The following NEK4 variants were observed in gnomAD, a reference collection of about 807,000 sequenced individuals.
The protein encoded by NEK4 is NIMA related kinase 4.
NEK4 carries 86 observed loss-of-function variants against 98.4 expected under a neutral mutation model. The ratio of observed to expected loss-of-function variants is 0.87; its 90% CI spans 0.73 to 1.05. The LOEUF is 1.05. NEK4 is among the 50% of genes least tolerant of loss of function. The pLI, the probability that NEK4 is intolerant of heterozygous loss-of-function variation, is 0.00. For synonymous variants in NEK4, 328 were observed against 342.2 expected (o/e 0.96, Z 0.46); for missense variants, 898 against 950.3 (o/e 0.94, Z 0.72).
intron 6 of NEK4, among the ~76,000 whole-genome samples, chr3:52,757,878 A>C (rs1698183389): frequency 6.6e-6 from 1 of 152,166 alleles, no homozygotes; most frequent in Admixed American, 6.5e-5. Flanking sequence ...CCATGGAGAC[A>C]GAAAGTAGAA....
At chr3:52,764,730 G>C (rs1399004496) in intron 4 of NEK4, among the ~76,000 whole-genome samples, 3 of 151,826 alleles carry the variant, frequency 2.0e-5, no homozygotes, top group African/African-American at 7.3e-5. Context: ...CCTGATTTCA[G>C]TTTAAGAATC....
chr3:52,728,640 G>A (rs1377910236), intron 15 of NEK4, among the ~76,000 whole-genome samples: 2 of 152,256 alleles, frequency 1.3e-5, no homozygotes, highest in Non-Finnish European at 2.9e-5. Context: ...GATTTTCAGG[G>A]AACAAGGGAA....
chr3:52,738,247 C>G (rs982125942), intron 14 of NEK4, among the ~76,000 whole-genome samples: 1 of 151,950 alleles, frequency 6.6e-6, no homozygotes, highest in East Asian at 1.9e-4. Flanking sequence ...ACCAGAACTA[C>G]AGGAATGCAC....
intron 15 of NEK4, among the ~76,000 whole-genome samples, chr3:52,737,190 C>T (rs1169778443): frequency 1.3e-5 from 2 of 151,976 alleles, no homozygotes; most frequent in Non-Finnish European, 2.9e-5. Flanking sequence ...GTGATCCACC[C>T]ACCTCAGCCT....
At chr3:52,760,265 G>A (rs1398785452) in intron 6 of NEK4, among the ~76,000 whole-genome samples, 3 of 151,944 alleles carry the variant, frequency 2.0e-5, no homozygotes, top group Non-Finnish European at 4.4e-5. Flanking sequence ...CACCCAGGCT[G>A]GAGTGCAGTA....
chr3:52,727,674 G>T (rs116502680), intron 15 of NEK4, among the ~76,000 whole-genome samples: 2 of 152,010 alleles, frequency 1.3e-5, no homozygotes, highest in Admixed American at 6.5e-5. Context: ...GGTTTCACAG[G>T]TTGGACGGGC....
At chr3:52,714,250 C>T (rs973743020) in intron 15 of NEK4, among the ~76,000 whole-genome samples, 5 of 152,150 alleles carry the variant, frequency 3.3e-5, no homozygotes, top group Admixed American at 6.5e-5. Context: ...TCTCTGGAAA[C>T]GGTGCTAAGA....
chr3:52,753,396 T>C (rs1030358744), intron 6 of NEK4: 6 of 353,020 alleles, frequency 1.7e-5, no homozygotes, highest in East Asian at 7.6e-5. Context: ...ACAAAGGTGA[T>C]AGGCAGCTGG....
intron 4 of NEK4, among the ~76,000 whole-genome samples, chr3:52,764,403 G>A (rs183570888): frequency 6.9e-4 from 104 of 151,478 alleles, no homozygotes; most frequent in Admixed American, 1.5e-3. Flanking sequence ...AGGCCGAGGC[G>A]GGTGGATCAT....
At chr3:52,730,866 G>A (rs1260622481) in intron 15 of NEK4, among the ~76,000 whole-genome samples, 1 of 152,148 alleles carries the variant, frequency 6.6e-6, no homozygotes, top group Non-Finnish European at 1.5e-5. Context: ...ATGGGTGGTT[G>A]CCAGGGGCTG....
At chr3:52,725,283 G>A (rs1194170407) in intron 15 of NEK4, among the ~76,000 whole-genome samples, 8 of 152,118 alleles carry the variant, frequency 5.3e-5, no homozygotes, top group East Asian at 1.9e-4. Context: ...AGGCTGAGGC[G>A]GGTGGATCAC....
chr3:52,711,838 T>C lies in NEK4; in HGVS notation c.2465A>G (p.Tyr822Cys), dbSNP rs750912632. ...VRLREHMGEK[Y>C]TTYSVKARQL... ...GCGAGCTTTCACACTGTAAGTTGTATACTTTTCACCCATGTGCTCCCGCAA... is the reference window on the plus strand; with the variant it reads ...GCGAGCTTTCACACTGTAAGTTGTACACTTTTCACCCATGTGCTCCCGCAA... The change falls in exon 16 of 16, where the codon TAT (tyrosine) becomes TGT (cysteine). Residue 822 changes from tyrosine to cysteine, a missense_variant. Transcript: ENST00000233027. 3 of 1,610,218 alleles carry C rather than the reference T, an allele frequency of 1.9e-6. No individual in the cohort carries two copies. The highest frequency in any genetic ancestry group is 2.5e-6 in the Non-Finnish European group (3 of 1,177,656).
chr3:52,753,863 A>C, intron 6 of NEK4: 1 of 372,850 alleles, frequency 2.7e-6, no homozygotes, highest in South Asian at 2.1e-5. Flanking sequence ...CATAGGGCAC[A>C]GACTTTATCA....
chr3:52,714,627 C>A (rs1312141645), intron 15 of NEK4, among the ~76,000 whole-genome samples: 2 of 152,228 alleles, frequency 1.3e-5, no homozygotes, highest in African/African-American at 4.8e-5. Context: ...GCCCACTGCC[C>A]TGGAGGTTGC....
At chr3:52,750,228 G>A (rs1225690323) in intron 7 of NEK4, among the ~76,000 whole-genome samples, 1 of 152,112 alleles carries the variant, frequency 6.6e-6, no homozygotes, top group African/African-American at 2.4e-5. Flanking sequence ...CAACCCAAAT[G>A]TACATCAACT....
chr3:52,744,188 C>A (rs752062735), intron 11 of NEK4, 51 bp downstream of exon 11: 4 of 1,353,168 alleles, frequency 3.0e-6, no homozygotes, highest in African/African-American at 1.4e-5. Flanking sequence ...TTTCTGTCCA[C>A]GAACCATACC....
chr3:52,736,247 T>C (rs2097375680), intron 15 of NEK4, among the ~76,000 whole-genome samples: 1 of 152,220 alleles, frequency 6.6e-6, no homozygotes, highest in South Asian at 2.1e-4. Flanking sequence ...TCTTCTGATA[T>C]TTTAAAAATC....
chr3:52,768,415 G>C lies in NEK4; in HGVS notation c.283C>G (p.Leu95Val). 5 of 1,614,082 alleles carry C rather than the reference G, an allele frequency of 3.1e-6. No homozygotes were observed. Among genetic ancestry groups the C allele is most frequent in the Non-Finnish European group, 4.2e-6 (5 of 1,179,976 alleles). Residue 95 changes from leucine to valine, a missense_variant, in exon 2 of 16, where the codon CTC (leucine) becomes GTC (valine). Leu to Val is a conservative substitution (Grantham distance 32, BLOSUM62 1). Transcript: ENST00000233027. ...AGAAGCTGCCCTTTCTGCTCCTTGA[G>C]CTTTCGGTACAAATCACCTCCTTCA... is the stretch of plus-strand genomic sequence containing the variant. ...FCEGGDLYRK[L>V]KEQKGQLLPE... is the part of the protein sequence containing the mutation.
rs954758023 is a variant in NEK4 at position 52,760,199 on chromosome 3, ATTTAT to A, written c.963+591_963+595del. Reference sequence around the variant, plus strand: ...CCACATTTAATTGATCACTTTATTTATTTATTTTATTTTATTTATTTTTATTTTTA... The same window carrying A: ...CCACATTTAATTGATCACTTTATTTATTTATTTTATTTATTTTTATTTTTA... On this transcript the variant is annotated intron_variant, in intron 6 of 15. Transcript: ENST00000233027. Among the ~76,000 whole-genome samples, 8 of 151,994 alleles carry A rather than the reference ATTTAT, an allele frequency of 5.3e-5. No individual in the cohort carries two copies. In the East Asian group the frequency reaches 7.7e-4, roughly 15 times the overall value.
Sources: gnomAD v4.1 joint callset for allele counts (sites outside exome capture counted in the v4.1 genomes callset) on GRCh38, gnomAD v4.1.1 for gene constraint, MANE v1.5 for transcripts, NCBI Gene and HGNC (gene_info 2026-07-23, HGNC 2026-07-21) for gene names.